The following FNDC3A variants were observed in gnomAD, a reference collection of about 807,000 sequenced individuals.
FNDC3A encodes fibronectin type III domain containing 3A, also known as fibronectin type-III domain-containing protein 3A.
In FNDC3A, 32 loss-of-function variants were observed where a neutral mutation model predicts 148.9. The observed-to-expected ratio is 0.21, with a 90% CI of 0.16 to 0.29. The LOEUF (loss-of-function observed/expected upper bound fraction) is 0.29. Among genes scored for constraint, FNDC3A ranks in the 10% least tolerant of loss-of-function variants. The pLI is 1.00. For synonymous variants in FNDC3A, 472 were observed against 473.6 expected (o/e 1.00, Z 0.04); for missense variants, 1,191 against 1,452.8 (o/e 0.82, Z 2.93).
At chr13:49,121,401 C>G (rs769537495) in intron 4 of FNDC3A, among the ~76,000 whole-genome samples, 11 of 152,132 alleles carry the variant, frequency 7.2e-5, no homozygotes, top group Non-Finnish European at 1.3e-4. Flanking sequence ...CGGGAAAAAT[C>G]TAAAATCAAC....
intron 3 of FNDC3A, among the ~76,000 whole-genome samples, chr13:49,092,812 C>T (rs1030739754): frequency 6.7e-5 from 10 of 149,846 alleles, no homozygotes; most frequent in Non-Finnish European, 1.3e-4. Flanking sequence ...TATTGTCAGG[C>T]TTATATCTCT....
chr13:49,085,941 G>A (rs532657190), intron 3 of FNDC3A, among the ~76,000 whole-genome samples: 218 of 150,888 alleles, frequency 1.4e-3, no homozygotes, highest in Non-Finnish European at 2.2e-3. Flanking sequence ...GGAGTGCAAT[G>A]GCCCGATCTC....
At chr13:49,050,697 T>C (rs1348128042) in intron 2 of FNDC3A, among the ~76,000 whole-genome samples, 5 of 152,236 alleles carry the variant, frequency 3.3e-5, no homozygotes. Context: ...TGTTTCTTTG[T>C]TGACTTTCTG....
rs747882953 is a variant in FNDC3A, at chr13:49,021,194, C to T, written c.99+14905C>T. On this transcript the variant is annotated intron_variant, in intron 2 of 25. Transcript: ENST00000492622. ...ATAATACTACACCTTAACTTGAACA[C>T]ACTAGAGCTTTTCAAAGCCCCTATA... Among the ~76,000 whole-genome samples the T allele has an allele frequency of 1.9e-4, 29 of 152,166 alleles. 1 individual carries two copies. The highest frequency in any genetic ancestry group is 3.8e-4 in the Non-Finnish European group (26 of 68,024).
chr13:48,985,977 G>A (rs1039688740), intron 1 of FNDC3A, among the ~76,000 whole-genome samples: 2 of 152,154 alleles, frequency 1.3e-5, no homozygotes, highest in African/African-American at 2.4e-5. Context: ...TTTTCCCTGC[G>A]TAATTTTTAA....
intron 2 of FNDC3A, among the ~76,000 whole-genome samples, chr13:49,023,060 A>G (rs1213056636): frequency 6.6e-6 from 1 of 152,046 alleles, no homozygotes; most frequent in Non-Finnish European, 1.5e-5. Flanking sequence ...TGTATAAAAT[A>G]TTGCACTGGT....
chr13:48,987,474 G>C (rs923264453), intron 1 of FNDC3A, among the ~76,000 whole-genome samples: 2 of 152,132 alleles, frequency 1.3e-5, no homozygotes, highest in Admixed American at 6.5e-5. Flanking sequence ...GAGAATGGGG[G>C]CTGTATCTCC....
chr13:49,187,579 A>C, intron 16 of FNDC3A: 3 of 1,610,640 alleles, frequency 1.9e-6, no homozygotes, highest in Admixed American at 1.7e-5. Flanking sequence ...CTTGTTTTCC[A>C]CTGAAAATGG....
At chr13:49,060,643 C>CAAA (rs35534890) in intron 2 of FNDC3A, among the ~76,000 whole-genome samples, 19 of 59,714 alleles carry the variant, frequency 3.2e-4, no homozygotes, top group African/African-American at 1.1e-3. Context: ...GACTCGGTCT[C>CAAA]AAAAAAAAAA....
rs780179977 is a variant in FNDC3A, at chr13:49,198,089, G to C, written c.2598G>C (p.Glu866Asp). The change falls in exon 22 of 26, where the codon GAG becomes GAC. Residue 866 changes from glutamate (E) to aspartate (D), a missense_variant. Physicochemically the swap from Glu to Asp is conservative, Grantham distance 45 (BLOSUM62 2). Around this residue, in one of 3 missense-constraint regions of FNDC3A, gnomAD observed 751 missense variants for 944.0 expected, o/e 0.80. Transcript: ENST00000492622. ...GTCTTCAAGAAATAAGCGATGATGA[G>C]ATAGAAAATCCCCATTATTCACCTT... is the stretch of plus-strand genomic sequence containing the variant. ...VTCLQEISDD[E>D]IENPHYSPST... 4 of 1,614,122 alleles carry C rather than the reference G, an allele frequency of 2.5e-6. No individual in the cohort carries two copies. The highest frequency in any genetic ancestry group is 1.1e-5 in the South Asian group (1 of 91,086).
intron 1 of FNDC3A, among the ~76,000 whole-genome samples, chr13:48,977,677 G>C (rs188789555): frequency 2.6e-4 from 39 of 152,268 alleles, no homozygotes; most frequent in African/African-American, 7.5e-4. Flanking sequence ...AATATAACCT[G>C]AAATGTTGCT....
chr13:49,130,988 A>G (rs1221673902), intron 4 of FNDC3A, 149 bp from the exon 5 acceptor site: 2 of 627,156 alleles, frequency 3.2e-6, no homozygotes, highest in South Asian at 3.8e-5. Flanking sequence ...CTGTTCTCGA[A>G]CTCCTGACCC....
intron 3 of FNDC3A, among the ~76,000 whole-genome samples, chr13:49,090,126 A>G (rs1478346522): frequency 1.3e-5 from 2 of 152,190 alleles, no homozygotes; most frequent in African/African-American, 4.8e-5. Context: ...ACTTTCTTTA[A>G]GAACATATCC....
chr13:49,051,737 G>C (rs562275441), intron 2 of FNDC3A, among the ~76,000 whole-genome samples: 1 of 152,306 alleles, frequency 6.6e-6, no homozygotes, highest in South Asian at 2.1e-4. Context: ...GGCTGGAGAA[G>C]TTTTCCTTGA....
At chr13:49,137,807 T>G (rs559329557) in intron 6 of FNDC3A, among the ~76,000 whole-genome samples, 1 of 152,348 alleles carries the variant, frequency 6.6e-6, no homozygotes, top group African/African-American at 2.4e-5. Flanking sequence ...TTAATGTAGT[T>G]TCTATATGTA....
intron 3 of FNDC3A, among the ~76,000 whole-genome samples, chr13:49,077,076 G>A (rs117605776): frequency 8.5e-5 from 13 of 152,198 alleles, no homozygotes; most frequent in South Asian, 2.1e-4. Context: ...CCAGGAATAC[G>A]AGACCAGCCT....
At chr13:49,155,400 T>A (rs1054043010) in intron 8 of FNDC3A, among the ~76,000 whole-genome samples, 4 of 151,610 alleles carry the variant, frequency 2.6e-5, no homozygotes, top group South Asian at 2.1e-4. Context: ...TCTATTTGAT[T>A]CTTCTCTCTT....
Position 49,207,615 on chromosome 13 carries a change from G to A in FNDC3A, c.*220G>A, listed in dbSNP as rs532174503. On this transcript the variant is annotated 3_prime_UTR_variant, in exon 26 of 26. Coordinates refer to ENST00000492622, the MANE Select transcript of FNDC3A (RefSeq NM_001079673.2). ...CAATTTTGTTTTTTTTGTTAGGGTG[G>A]GTCTTCTTTTTTTCTTTCCCTCTCT... 7.4e-6 allele frequency: 3 copies of A among 405,952 alleles called. No individual in the cohort carries two copies. In the Admixed American group the frequency reaches 1.3e-4, roughly 17 times the overall value. 25.1% of individuals were successfully genotyped at this position (405,952 alleles called of 1,614,324 possible).
rs115137076 is a variant in FNDC3A, at chr13:49,062,676, C to A, written c.100-12613C>A. The stretch of plus-strand genomic sequence containing the variant: ...TTATCATTTCTTGCAGGAATCTTCC[C>A]TGATCATCCTAGGTTGAGTGGATGC... On this transcript the variant is annotated intron_variant, in intron 2 of 25. Transcript: ENST00000492622. Among the ~76,000 whole-genome samples, 456 of 152,228 alleles carry A rather than the reference C, an allele frequency of 3.0e-3. 4 individuals are homozygous for A. The highest frequency in any genetic ancestry group is 0.01 in the African/African-American group (429 of 41,544).
Sources: gnomAD v4.1 joint callset for allele counts (sites outside exome capture counted in the v4.1 genomes callset) on GRCh38, gnomAD v4.1.1 for gene constraint, gnomAD v4.1.1 regional missense constraint, MANE v1.5 for transcripts, NCBI Gene and HGNC (gene_info 2026-07-23, HGNC 2026-07-21) for gene names.